Variants in ZNF385D observed in about 807,000 individuals in gnomAD.
The protein encoded by ZNF385D is zinc finger protein 659.
ZNF385D carries 15 observed loss-of-function variants against 35.8 expected under a neutral mutation model. The ratio of observed to expected loss-of-function variants is 0.42; its 90% CI spans 0.28 to 0.64. The LOEUF is 0.64. Ranked by LOEUF, ZNF385D falls within the 30% of genes least tolerant of loss-of-function variation. The pLI is 0.23. For missense variants in ZNF385D, 474 were observed against 494.6 expected, an observed-to-expected ratio of 0.96 and a Z score of 0.39; for synonymous variants, 212 against 186.8, an observed-to-expected ratio of 1.13 and a Z score of -1.10.
At chr3:21,958,210 C>T (rs370136876) in intron 3 of ZNF385D, among the ~76,000 whole-genome samples, 9 of 152,148 alleles carry the variant, frequency 5.9e-5, no homozygotes, top group East Asian at 3.9e-4. Flanking sequence ...TCAGCGTGCA[C>T]CAATAATGGG....
At chr3:21,789,235 GGTAT>G (rs773875402) in intron 3 of ZNF385D, among the ~76,000 whole-genome samples, 2 of 152,076 alleles carry the variant, frequency 1.3e-5, no homozygotes, top group Non-Finnish European at 2.9e-5. Context: ...AATGGGGGAG[GGTAT>G]GTGTGGCATT....
chr3:22,272,903 G>A (rs1265441359), intron 2 of ZNF385D, among the ~76,000 whole-genome samples: 2 of 151,748 alleles, frequency 1.3e-5, no homozygotes, highest in Non-Finnish European at 2.9e-5. Context: ...TTACCTCGGG[G>A]GCCAACTTTC....
At chr3:22,057,600 C>T (rs970853717) in intron 3 of ZNF385D, among the ~76,000 whole-genome samples, 1 of 151,282 alleles carries the variant, frequency 6.6e-6, no homozygotes, top group South Asian at 2.1e-4. Context: ...GCCTCCATCT[C>T]CTGTGTTGAA....
At chr3:22,218,879 A>G (rs905865412) in intron 2 of ZNF385D, among the ~76,000 whole-genome samples, 1 of 152,098 alleles carries the variant, frequency 6.6e-6, no homozygotes. Flanking sequence ...AGCCATTACT[A>G]GAGGGCTCAC....
chr3:21,966,183 C>T (rs952912283), intron 3 of ZNF385D, among the ~76,000 whole-genome samples: 1 of 152,022 alleles, frequency 6.6e-6, no homozygotes, highest in African/African-American at 2.4e-5. Context: ...TTTGATGAAA[C>T]CAATAATTTA....
chr3:21,541,707 CA>C (rs368688179), intron 3 of ZNF385D, among the ~76,000 whole-genome samples: 43 of 151,848 alleles, frequency 2.8e-4, no homozygotes, highest in African/African-American at 9.4e-4. Context: ...CAAAATATAA[CA>C]AAAAAAGCAA....
intron 3 of ZNF385D, among the ~76,000 whole-genome samples, chr3:21,966,914 ACTT>A (rs1702947061): frequency 6.6e-6 from 1 of 152,186 alleles, no homozygotes; most frequent in Admixed American, 6.5e-5. Flanking sequence ...TAGCAGATTT[ACTT>A]CTAATTTTTT....
At chr3:21,910,184 T>C (rs1445461013) in intron 3 of ZNF385D, among the ~76,000 whole-genome samples, 1 of 151,900 alleles carries the variant, frequency 6.6e-6, no homozygotes, top group Non-Finnish European at 1.5e-5. Flanking sequence ...CGTCATCCAA[T>C]AGCTATGTGA....
At chr3:22,088,680 G>A (rs980146583) in intron 3 of ZNF385D, among the ~76,000 whole-genome samples, 1 of 151,606 alleles carries the variant, frequency 6.6e-6, no homozygotes, top group Admixed American at 6.6e-5. Context: ...AGCTGCAGTG[G>A]TAGAAGCTAC....
chr3:21,972,693 G>GA (rs1007396979), intron 3 of ZNF385D, among the ~76,000 whole-genome samples: 1 of 145,568 alleles, frequency 6.9e-6, no homozygotes, highest in South Asian at 2.1e-4. Context: ...ACTAGACTAA[G>GA]AAAAAAACAA....
chr3:21,740,191 T>C (rs536584270), intron 1 of ZNF385D, among the ~76,000 whole-genome samples: 1 of 152,272 alleles, frequency 6.6e-6, no homozygotes, highest in South Asian at 2.1e-4. Context: ...TCTTGTAGAA[T>C]AGAAATAAGT....
intron 3 of ZNF385D, among the ~76,000 whole-genome samples, chr3:21,869,131 A>G (rs1697549482): frequency 6.6e-6 from 1 of 152,124 alleles, no homozygotes; most frequent in South Asian, 2.1e-4. Flanking sequence ...ACCAAGAAAC[A>G]ACGTTATACA....
chr3:22,240,423 A>C (rs1699431037), intron 2 of ZNF385D, among the ~76,000 whole-genome samples: 1 of 150,918 alleles, frequency 6.6e-6, no homozygotes, highest in Non-Finnish European at 1.5e-5. Flanking sequence ...TTATTTTCTC[A>C]TCAGCTGTTC....
At chr3:22,158,915 A>C (rs542497816) in intron 3 of ZNF385D, among the ~76,000 whole-genome samples, 2 of 152,110 alleles carry the variant, frequency 1.3e-5, no homozygotes, top group Non-Finnish European at 2.9e-5. Context: ...CCTTGGGAAA[A>C]TTACTTCTAG....
intron 3 of ZNF385D, among the ~76,000 whole-genome samples, chr3:21,553,315 C>T (rs1454092799): frequency 6.6e-6 from 1 of 152,116 alleles, no homozygotes; most frequent in Non-Finnish European, 1.5e-5. Flanking sequence ...TAATGTTAGT[C>T]ATGTGAATTT....
rs967388532 is a variant in ZNF385D at position 21,560,055 on chromosome 3, G to T, written c.276+4519C>A. 2.0e-5 allele frequency among the ~76,000 whole-genome samples: 3 copies of T among 151,938 alleles called. No individual in the cohort carries two copies. In the East Asian group the frequency reaches 5.8e-4, roughly 30 times the overall value. ...AACTGGTTATTCTAGTTAGCAATTT[G>T]TCTAATGTTTTTTCAAGGTTCTTAG... On this transcript the variant is annotated intron_variant, in intron 3 of 7. Coordinates refer to ENST00000281523, the MANE Select transcript of ZNF385D (RefSeq NM_024697.3).
chr3:21,932,528 A>G (rs1701064540), intron 3 of ZNF385D, among the ~76,000 whole-genome samples: 1 of 151,996 alleles, frequency 6.6e-6, no homozygotes, highest in African/African-American at 2.4e-5. Context: ...GTTTGATGTT[A>G]TAATCCCTGA....
At chr3:22,247,872 G>T (rs542094015) in intron 2 of ZNF385D, among the ~76,000 whole-genome samples, 136 of 152,088 alleles carry the variant, frequency 8.9e-4, no homozygotes, top group African/African-American at 3.2e-3. Context: ...CAAAGTCCTG[G>T]GATCATAGGG....
chr3:21,862,749 C>A (rs1697127314), intron 3 of ZNF385D, among the ~76,000 whole-genome samples: 1 of 152,278 alleles, frequency 6.6e-6, no homozygotes. Context: ...TATAGAAGTT[C>A]TTTTTCTGTT....
Sources: allele counts gnomAD v4.1 joint callset (sites outside exome capture counted in the v4.1 genomes callset), GRCh38; gene constraint gnomAD v4.1.1; transcripts MANE v1.5; gene names NCBI Gene and HGNC (gene_info 2026-07-23, HGNC 2026-07-21).